The following OXNAD1 variants were observed in gnomAD, a reference collection of about 807,000 sequenced individuals.
OXNAD1 encodes the protein oxidoreductase NAD-binding domain-containing protein 1.
OXNAD1 carries 34 observed loss-of-function variants against 32.9 expected under a neutral mutation model. The observed-to-expected ratio is 1.03, with a 90% CI of 0.79 to 1.38. The LOEUF (loss-of-function observed/expected upper bound fraction) is 1.38. OXNAD1 is among the 40% of genes most tolerant of loss of function. The pLI is 0.00. For synonymous variants in OXNAD1, 134 were observed against 135.2 expected, an observed-to-expected ratio of 0.99 and a Z score of 0.06; for missense variants, 407 against 379.4, an observed-to-expected ratio of 1.07 and a Z score of -0.60.
intron 6 of OXNAD1, among the ~76,000 whole-genome samples, chr3:16,296,065 AAC>A (rs917901886): frequency 6.6e-6 from 1 of 152,182 alleles, no homozygotes; most frequent in African/African-American, 2.4e-5. Context: ...AGGGTATGGA[AAC>A]ACAGTTGCGT....
intron 5 of OXNAD1, 106 bp downstream of exon 5, chr3:16,286,554 A>G (rs2066086786): frequency 1.8e-5 from 16 of 874,282 alleles, no homozygotes; most frequent in South Asian, 4.6e-5. Context: ...CTTGAGGAAG[A>G]GGAATTCTAA....
downstream of OXNAD1, among the ~76,000 whole-genome samples, chr3:16,351,427 A>T (rs2072095476): frequency 6.6e-6 from 1 of 152,230 alleles, no homozygotes; most frequent in Non-Finnish European, 1.5e-5. This position sits in a 1 kb window ranked among gnomAD's most constrained non-coding sequence, Gnocchi z 5.4. Context: ...GAATAGTATG[A>T]AATAAAATGG....
intron 1 of OXNAD1, among the ~76,000 whole-genome samples, chr3:16,266,602 CAAAAAAAAA>C (rs77883979): frequency 4.1e-5 from 3 of 73,086 alleles, no homozygotes; most frequent in African/African-American, 5.7e-5. Context: ...GACGCTGTCT[CAAAAAAAAA>C]AAAAAAAAAA....
Position 16,302,571 on chromosome 3 carries a change from T to C in OXNAD1, c.676-69T>C. 9.6e-7 allele frequency: 1 copy of C among 1,037,568 alleles called. No homozygotes were observed. Among genetic ancestry groups the C allele is most frequent in the Non-Finnish European group, 1.5e-6 (1 of 684,024 alleles). The allele number at this position is 1,037,568 out of a possible 1,614,324, so 64.3% of individuals were successfully genotyped here. Reference sequence around the variant, plus strand: ...GCAGAATGGGAGTTGAGGTTCAGCGTCAATGGTTGTGCACATCTGTTTTGA... The same window carrying C: ...GCAGAATGGGAGTTGAGGTTCAGCGCCAATGGTTGTGCACATCTGTTTTGA... On this transcript the variant is annotated intron_variant, in intron 7 of 8. Coordinates refer to ENST00000285083, the MANE Select transcript of OXNAD1 (RefSeq NM_138381.5). The surrounding 1 kb of genome is among the most constrained non-coding windows in gnomAD (Gnocchi z 4.2).
chr3:16,283,216 G>A (rs1339648120), intron 4 of OXNAD1, among the ~76,000 whole-genome samples: 2 of 152,184 alleles, frequency 1.3e-5, no homozygotes, highest in Admixed American at 6.5e-5. Context: ...GAGGGCAGGT[G>A]CAGTCTTCTC....
In OXNAD1 at chr3:16,342,577, G is replaced by A. The variant is rs1003200256; in HGVS notation, c.*31-6599G>A. Among the ~76,000 whole-genome samples, 1 of 152,074 alleles carries A rather than the reference G, an allele frequency of 6.6e-6. No individual in the cohort carries two copies. The highest frequency in any genetic ancestry group is 2.4e-5 in the African/African-American group (1 of 41,410). ...AATTGCTGGGTCATATGGTAACTATGTTTAACATTTTGGGAAAGTGTCCAT... is the reference window on the plus strand; with the variant it reads ...AATTGCTGGGTCATATGGTAACTATATTTAACATTTTGGGAAAGTGTCCAT... On this transcript the variant is annotated intron_variant, in intron 9 of 9. Coordinates refer to the OXNAD1 transcript ENST00000606098. This position sits in a 1 kb window ranked among gnomAD's most constrained non-coding sequence, Gnocchi z 4.0.
At position 16,326,789 on chromosome 3, in the gene OXNAD1, C is replaced by T. The variant is rs149250933; in HGVS notation, c.*31-10323C>T. On this transcript the variant is annotated intron_variant, in intron 9 of 9. Transcript: ENST00000435829. ...TATTGTTACCTGGTAGTCTTGACGA[C>T]GGGAGTTGGTAGCACACAGGTGAGC... The T allele has an allele frequency of 1.3e-5, 21 of 1,613,946 alleles. No homozygotes were observed. The highest frequency in any genetic ancestry group is 1.6e-4 in the Middle Eastern group (1 of 6,062).
intron 9 of OXNAD1, among the ~76,000 whole-genome samples, chr3:16,319,049 G>C (rs986393186): frequency 1.3e-5 from 2 of 152,182 alleles, no homozygotes; most frequent in African/African-American, 4.8e-5. Context: ...TAGTTTCCAG[G>C]CACCGTGTTA....
chr3:16,323,285 G>A (rs2069289469), intron 9 of OXNAD1: 4 of 927,192 alleles, frequency 4.3e-6, no homozygotes, highest in Non-Finnish European at 6.7e-6. Context: ...CTTGGAAGCT[G>A]GAGCAGGCTG....
At chr3:16,295,082 A>C (rs528278704) in intron 6 of OXNAD1, 85 bp downstream of exon 6, 1 of 1,445,674 alleles carries the variant, frequency 6.9e-7, no homozygotes, top group African/African-American at 1.4e-5. Context: ...GATTCACCTA[A>C]GAAACCTGGG....
intron 9 of OXNAD1, among the ~76,000 whole-genome samples, chr3:16,331,573 C>T (rs929345632): frequency 2.6e-5 from 4 of 152,136 alleles, no homozygotes; most frequent in African/African-American, 9.7e-5. Flanking sequence ...CTGAACCCAT[C>T]ACTAATTTAT....
rs1359106070 is a variant in OXNAD1, at chr3:16,317,392, ACT to A, written c.*30+13801_*30+13802del. ...TACAGGCACCAAACTTGAATCGCAC[ACT>A]ATCACATCACACCCACCCCAAGAGC... On this transcript the variant is annotated intron_variant, in intron 9 of 9. Coordinates refer to the OXNAD1 transcript ENST00000435829. This position sits in a 1 kb window ranked among gnomAD's most constrained non-coding sequence, Gnocchi z 4.3. Among the ~76,000 whole-genome samples, 3 of 151,168 alleles carry A rather than the reference ACT, an allele frequency of 2.0e-5. No individual in the cohort carries two copies. The highest frequency in any genetic ancestry group is 7.3e-5 in the African/African-American group (3 of 41,064).
chr3:16,275,662 T>C lies in OXNAD1; in HGVS notation c.183+3940T>C, dbSNP rs1310916753. On this transcript the variant is annotated intron_variant, in intron 4 of 8. Transcript: ENST00000285083. The stretch of plus-strand genomic sequence containing the variant: ...CTATGTCTTCCATTTCCCTGGTTTC[T>C]TTTTGGGCAGATATAAAAGAATTAA... 1.7e-5 allele frequency: 3 copies of C among 177,422 alleles called. No homozygotes were observed. The East Asian group carries it at 4.3e-4, about 25-fold the overall frequency. 11.0% of individuals were successfully genotyped at this position (177,422 alleles called of 1,614,324 possible). A position where few individuals can be genotyped will look rare whatever the true frequency, so the allele number is the denominator to read the frequency against.
intron 4 of OXNAD1, among the ~76,000 whole-genome samples, chr3:16,274,099 G>C (rs902752947): frequency 6.7e-5 from 10 of 150,078 alleles, no homozygotes; most frequent in African/African-American, 2.5e-4. Flanking sequence ...GTCTCTCTCT[G>C]AGTACGCTCA....
chr3:16,273,547 G>C (rs527669862), intron 4 of OXNAD1, among the ~76,000 whole-genome samples: 1 of 152,016 alleles, frequency 6.6e-6, no homozygotes, highest in Admixed American at 6.6e-5. Context: ...GCACACTATT[G>C]TGCTCAGCTA....
At position 16,288,644 on chromosome 3, in the gene OXNAD1, T is replaced by C. The variant is rs2066231075; in HGVS notation, c.290+2196T>C. Among the ~76,000 whole-genome samples the C allele has an allele frequency of 6.6e-6, 1 of 152,216 alleles. No homozygotes were observed. Among genetic ancestry groups the C allele is most frequent in the Non-Finnish European group, 1.5e-5 (1 of 68,038 alleles). ...GTAGCAATAAACCAGTTCCAAGAAC[T>C]GTAGCAATCCAATCCCGAGAGAAAG... On this transcript the variant is annotated intron_variant, in intron 5 of 8. Coordinates refer to ENST00000285083, the MANE Select transcript of OXNAD1 (RefSeq NM_138381.5). This position sits in a 1 kb window ranked among gnomAD's most constrained non-coding sequence, Gnocchi z 5.1.
In OXNAD1 at chr3:16,320,551, A is replaced by T. The variant is rs527654991; in HGVS notation, c.*31-16561A>T. ...ATGTCTGACTCTGCCTGGGAAGGAT[A>T]AAATAATGATCACAAATAACTAAAA... On this transcript the variant is annotated intron_variant, in intron 9 of 9. Transcript: ENST00000435829. This position sits in a 1 kb window ranked among gnomAD's most constrained non-coding sequence, Gnocchi z 4.5. Among the ~76,000 whole-genome samples the T allele has an allele frequency of 1.2e-4, 18 of 152,372 alleles. No individual in the cohort carries two copies. Among genetic ancestry groups the T allele is most frequent in the South Asian group, 6.2e-4 (3 of 4,828 alleles).
chr3:16,328,229 G>A (rs1458568903), intron 9 of OXNAD1, among the ~76,000 whole-genome samples: 3 of 152,240 alleles, frequency 2.0e-5, no homozygotes, highest in African/African-American at 7.2e-5. Flanking sequence ...GTCAAAGCAG[G>A]CTTCCTGGGG....
chr3:16,338,864 C>A (rs1030627336), downstream of OXNAD1, among the ~76,000 whole-genome samples: 5 of 152,170 alleles, frequency 3.3e-5, no homozygotes, highest in African/African-American at 1.2e-4. The surrounding 1 kb of genome is among the most constrained non-coding windows in gnomAD (Gnocchi z 5.3). Context: ...GGGAGAGAGC[C>A]AGTCTGTCTG....
Sources: gnomAD v4.1 joint callset for allele counts (sites outside exome capture counted in the v4.1 genomes callset) on GRCh38, gnomAD v4.1.1 for gene constraint, Gnocchi (gnomAD v3.1) non-coding constraint, MANE v1.5 for transcripts, NCBI Gene and HGNC (gene_info 2026-07-23, HGNC 2026-07-21) for gene names.